Variants in BACE2 observed in about 807,000 individuals in gnomAD.
BACE2 encodes 56 kDa aspartic-like protease.
In BACE2, 17 loss-of-function variants were observed where a neutral mutation model predicts 46.2. The observed-to-expected ratio is 0.37, with a 90% CI of 0.25 to 0.55. The LOEUF (loss-of-function observed/expected upper bound fraction) is 0.55. Ranked by LOEUF, BACE2 falls within the 20% of genes least tolerant of loss-of-function variation. BACE2 has a pLI of 0.82. For synonymous variants in BACE2, 277 were observed against 295.9 expected (o/e 0.94, Z 0.66); for missense variants, 595 against 698.1 (o/e 0.85, Z 1.66).
intron 1 of BACE2, among the ~76,000 whole-genome samples, chr21:41,210,944 C>T (rs1986282574): frequency 6.6e-6 from 1 of 152,160 alleles, no homozygotes; most frequent in Admixed American, 6.5e-5. Context: ...CTTCCCCAAC[C>T]CCTCCTCCTT....
At chr21:41,252,266 G>T (rs535263605) in intron 7 of BACE2, among the ~76,000 whole-genome samples, 2 of 152,022 alleles carry the variant, frequency 1.3e-5, no homozygotes, top group South Asian at 2.1e-4. Context: ...ACCCTCTGCT[G>T]GGTGGCCACT....
At chr21:41,240,836 A>G (rs1231214089) in intron 3 of BACE2, among the ~76,000 whole-genome samples, 1 of 152,212 alleles carries the variant, frequency 6.6e-6, no homozygotes, top group Non-Finnish European at 1.5e-5. Flanking sequence ...GAAGATCTGT[A>G]TCTATTCCAT....
rs867792915 is a variant in BACE2, at chr21:41,169,467, A to C, written c.312+892A>C. On this transcript the variant is annotated intron_variant, in intron 1 of 8. Transcript: ENST00000330333. ...GTGATCTGAAAAAAAAAAAAAAAAA[A>C]TCCCAATTGATCTGCCCCCTCCTAC... 2.8e-3 allele frequency among the ~76,000 whole-genome samples: 414 copies of C among 148,056 alleles called. 2 individuals carry two copies. The highest frequency in any genetic ancestry group is 9.6e-3 in the African/African-American group (391 of 40,752).
At chr21:41,191,479 A>C (rs1344700430) in intron 1 of BACE2, among the ~76,000 whole-genome samples, 1 of 152,200 alleles carries the variant, frequency 6.6e-6, no homozygotes. Context: ...CCATATCCAG[A>C]GTAAGTGTCT....
chr21:41,275,243 G>A (rs2088472941), intron 8 of BACE2, 128 bp from the exon 9 acceptor site: 1 of 1,348,046 alleles, frequency 7.4e-7, no homozygotes, highest in Non-Finnish European at 1.0e-6. Context: ...TTCCTGAGCT[G>A]TCTAAGCCAC....
chr21:41,241,796 C>T (rs200044817), intron 3 of BACE2, 23 bp from the exon 4 acceptor site: 1 of 1,613,566 alleles, frequency 6.2e-7, no homozygotes, highest in South Asian at 1.1e-5. Flanking sequence ...AAGCGGGTGC[C>T]CCTCTCTGTC....
intron 1 of BACE2, among the ~76,000 whole-genome samples, chr21:41,210,535 T>C (rs1986265675): frequency 6.6e-6 from 1 of 152,106 alleles, no homozygotes; most frequent in Non-Finnish European, 1.5e-5. Flanking sequence ...GCTAAAACAC[T>C]CACCGGCCCG....
At chr21:41,236,429 C>T (rs576917698) in intron 2 of BACE2, among the ~76,000 whole-genome samples, 3 of 152,330 alleles carry the variant, frequency 2.0e-5, no homozygotes, top group South Asian at 4.1e-4. Flanking sequence ...CTCCTCACTG[C>T]AGCATAAACT....
chr21:41,216,774 G>A (rs1228962731), intron 1 of BACE2, among the ~76,000 whole-genome samples: 2 of 152,212 alleles, frequency 1.3e-5, no homozygotes, highest in African/African-American at 4.8e-5. Flanking sequence ...CAGCGCGGAC[G>A]TGCGTTGCCA....
At chr21:41,191,336 C>T (rs1433699754) in intron 1 of BACE2, among the ~76,000 whole-genome samples, 2 of 152,212 alleles carry the variant, frequency 1.3e-5, no homozygotes, top group Non-Finnish European at 2.9e-5. Context: ...CCCACTGTCA[C>T]ACTTCTTTAG....
intron 8 of BACE2, among the ~76,000 whole-genome samples, chr21:41,260,474 T>G (rs963410138): frequency 1.3e-5 from 2 of 152,164 alleles, no homozygotes; most frequent in Non-Finnish European, 2.9e-5. Flanking sequence ...GGCCAGGAGT[T>G]GATGAGGCAC....
rs1568853912 is a variant in BACE2, at chr21:41,174,138, C to CTTTTTTTT, written c.312+5563_312+5564insTTTTTTTT. Among the ~76,000 whole-genome samples, 26 of 70,646 alleles carry CTTTTTTTT rather than the reference C, an allele frequency of 3.7e-4. 1 individual carries two copies. Among genetic ancestry groups the CTTTTTTTT allele is most frequent in the South Asian group, 3.1e-3 (5 of 1,594 alleles). 46.3% of individuals were successfully genotyped at this position (70,646 alleles called of 152,430 possible). The stretch of plus-strand genomic sequence containing the variant: ...TAAGGATAGCTGTTGTGATCAGTGG[C>CTTTTTTTT]CTTTTTTTTTTTTTTTTTTTTTTTT... On this transcript the variant is annotated intron_variant, in intron 1 of 8. Transcript: ENST00000330333.
intron 8 of BACE2, among the ~76,000 whole-genome samples, chr21:41,265,696 T>C (rs916854435): frequency 6.6e-6 from 1 of 152,234 alleles, no homozygotes; most frequent in African/African-American, 2.4e-5. Context: ...AATGGAGTAA[T>C]TAACCATATG....
intron 6 of BACE2, among the ~76,000 whole-genome samples, chr21:41,247,913 A>T (rs1023609853): frequency 6.6e-6 from 1 of 152,058 alleles, no homozygotes; most frequent in African/African-American, 2.4e-5. Flanking sequence ...TTTCTTATCT[A>T]CCAGTTCCAG....
intron 1 of BACE2, among the ~76,000 whole-genome samples, chr21:41,218,949 G>A (rs1257110498): frequency 2.7e-5 from 4 of 150,426 alleles, no homozygotes; most frequent in African/African-American, 4.9e-5. Context: ...TGCAACCTCC[G>A]CCTCCCGGGT....
At chr21:41,213,603 TC>T (rs1354476157) in intron 1 of BACE2, among the ~76,000 whole-genome samples, 10 of 152,102 alleles carry the variant, frequency 6.6e-5, no homozygotes, top group African/African-American at 2.4e-4. Context: ...TGAAACCCCG[TC>T]TCTACTAAAA....
chr21:41,200,994 G>A (rs1203441244), intron 1 of BACE2, among the ~76,000 whole-genome samples: 2 of 152,200 alleles, frequency 1.3e-5, no homozygotes, highest in Admixed American at 6.5e-5. Context: ...GGCCAGCTCA[G>A]CCACTGTCCG....
chr21:41,195,305 A>C (rs1196886918), intron 1 of BACE2, among the ~76,000 whole-genome samples: 1 of 152,208 alleles, frequency 6.6e-6, no homozygotes, highest in African/African-American at 2.4e-5. Context: ...GAGACTAAGG[A>C]GGGAGTGATA....
At position 41,187,308 on chromosome 21, in the gene BACE2, A is replaced by G. The variant is rs1262380985; in HGVS notation, c.312+18733A>G. Among the ~76,000 whole-genome samples the G allele has an allele frequency of 2.6e-5, 4 of 152,204 alleles. No homozygotes were observed. The South Asian group carries it at 6.2e-4, about 24-fold the overall frequency. On this transcript the variant is annotated intron_variant, in intron 1 of 8. Transcript: ENST00000330333. The stretch of plus-strand genomic sequence containing the variant: ...GCGTTTCTGGCTCAATAGCTGGCCA[A>G]AGAAGCCATCTGCAGAGAGTCACAG...
Sources: allele counts gnomAD v4.1 joint callset (sites outside exome capture counted in the v4.1 genomes callset), GRCh38; gene constraint gnomAD v4.1.1; transcripts MANE v1.5; gene names NCBI Gene and HGNC (gene_info 2026-07-23, HGNC 2026-07-21).